Variants in CBX1 observed in about 807,000 individuals in gnomAD.
The protein encoded by CBX1 is chromobox 1.
CBX1 carries 10 observed loss-of-function variants against 25.1 expected under a neutral mutation model. That is an observed-to-expected ratio of 0.40 (90% CI 0.25 to 0.68). The LOEUF (loss-of-function observed/expected upper bound fraction) is 0.68. Ranked by LOEUF, CBX1 falls within the 30% of genes least tolerant of loss-of-function variation. The pLI is 0.40. For missense variants in CBX1, 106 were observed against 218.5 expected (o/e 0.49, Z 3.25); for synonymous variants, 63 against 79.4 (o/e 0.79, Z 1.10).
At chr17:48,079,231 G>A (rs2037709208) in intron 1 of CBX1, among the ~76,000 whole-genome samples, 1 of 152,146 alleles carries the variant, frequency 6.6e-6, no homozygotes, top group Non-Finnish European at 1.5e-5. Context: ...TCAGCCTCCT[G>A]AGTAGCTGGG....
chr17:48,075,197 C>CTTTT, intron 3 of CBX1, 97 bp from the exon 4 acceptor site: 4 of 637,472 alleles, frequency 6.3e-6, no homozygotes, highest in South Asian at 2.0e-5. Context: ...ATCACAAACT[C>CTTTT]TTTTTTTTTT....
intron 3 of CBX1, among the ~76,000 whole-genome samples, chr17:48,075,351 C>T (rs1011519320): frequency 1.5e-5 from 2 of 135,438 alleles, no homozygotes; most frequent in African/African-American, 3.1e-5. Flanking sequence ...CATGCCACCA[C>T]GTCAGCTAAT....
Position 48,101,266 on chromosome 17 carries a change from A to C in CBX1, c.-38+2T>G. ...CTCTCCCGCCTCCAGCGGGCTCCTC[A>C]CCTCAGAGCAGCGCCCAAGAGCCCG... On this transcript the variant is annotated splice_donor_variant, in intron 1 of 4. Coordinates refer to ENST00000225603, the MANE Select transcript of CBX1 (RefSeq NM_001127228.2). LOFTEE classifies it low-confidence loss of function (5UTR_SPLICE). 1.0e-6 allele frequency: 1 copy of C among 986,342 alleles called. No homozygotes were observed. Among genetic ancestry groups the C allele is most frequent in the Non-Finnish European group, 1.2e-6 (1 of 830,266 alleles). 61.1% of individuals were successfully genotyped at this position (986,342 alleles called of 1,614,324 possible).
chr17:48,071,860 A>G (rs1341977951), intron 4 of CBX1, among the ~76,000 whole-genome samples: 1 of 152,188 alleles, frequency 6.6e-6, no homozygotes, highest in Non-Finnish European at 1.5e-5. Flanking sequence ...AGGCCCCAAA[A>G]AGCATGACTC....
intron 1 of CBX1, among the ~76,000 whole-genome samples, chr17:48,100,310 T>C (rs943148407): frequency 6.6e-6 from 1 of 152,090 alleles, no homozygotes; most frequent in Admixed American, 6.6e-5. Context: ...AATCTCTCAC[T>C]ACCTCACGCC....
chr17:48,097,794 T>A (rs2063383627), intron 1 of CBX1, among the ~76,000 whole-genome samples: 1 of 152,170 alleles, frequency 6.6e-6, no homozygotes, highest in Admixed American at 6.6e-5. Context: ...ATTGACAAGA[T>A]CTAAATTTTG....
chr17:48,089,363 A>G (rs2063330715), intron 1 of CBX1, among the ~76,000 whole-genome samples: 1 of 150,770 alleles, frequency 6.6e-6, no homozygotes, highest in Admixed American at 6.6e-5. Flanking sequence ...GGCCTCCAAC[A>G]GTGCTGGAAT....
intron 1 of CBX1, among the ~76,000 whole-genome samples, chr17:48,082,726 C>T (rs929231712): frequency 1.3e-5 from 2 of 149,436 alleles, no homozygotes; most frequent in African/African-American, 2.6e-5. Context: ...TTAGTAAAGA[C>T]GTGGTTTCAC....
At chr17:48,085,944 C>G (rs2063309181) in intron 1 of CBX1, among the ~76,000 whole-genome samples, 1 of 152,116 alleles carries the variant, frequency 6.6e-6, no homozygotes, top group South Asian at 2.1e-4. Flanking sequence ...GTGGCATGCA[C>G]CTGTAGTCCC....
rs60857566 is a variant in CBX1, at chr17:48,073,824, C to CAAAAAAAAAAAAAAAAAAAAAAA, written c.413+1181_413+1182insTTTTTTTTTTTTTTTTTTTTTTT. Among the ~76,000 whole-genome samples the CAAAAAAAAAAAAAAAAAAAAAAA allele has an allele frequency of 1.1e-3, 87 of 82,472 alleles. 2 individuals are homozygous for CAAAAAAAAAAAAAAAAAAAAAAA. Among genetic ancestry groups the CAAAAAAAAAAAAAAAAAAAAAAA allele is most frequent in the Non-Finnish European group, 1.4e-3 (62 of 44,598 alleles). The allele number at this position is 82,472 out of a possible 152,430, so 54.1% of individuals were successfully genotyped here. A position where few individuals can be genotyped will look rare whatever the true frequency, so the allele number is the denominator to read the frequency against. ...CCTGGGCGAAAGAGTGAGACTGTCT[C>CAAAAAAAAAAAAAAAAAAAAAAA]AAAAAAAAAAAAAAAAAAAAAGACA... On this transcript the variant is annotated intron_variant, in intron 4 of 4. Transcript: ENST00000225603.
chr17:48,077,162 G>A, intron 1 of CBX1, 121 bp from the exon 2 acceptor site: 3 of 706,420 alleles, frequency 4.2e-6, no homozygotes, highest in Middle Eastern at 2.6e-4. Context: ...CTTATAGTAA[G>A]TGTTAGGCTT....
At chr17:48,082,501 CAAAAAAAA>C (rs572999255) in intron 1 of CBX1, among the ~76,000 whole-genome samples, 2 of 53,756 alleles carry the variant, frequency 3.7e-5, no homozygotes, top group Non-Finnish European at 6.3e-5. Context: ...GACTCCATCT[CAAAAAAAA>C]AAAAAAAAAA....
intron 3 of CBX1, 140 bp downstream of exon 3, chr17:48,075,861 C>G (rs897596088): frequency 2.3e-5 from 14 of 596,244 alleles, no homozygotes; most frequent in Non-Finnish European, 4.0e-5. Flanking sequence ...ACAGTACACT[C>G]TCACTTTGTA....
intron 4 of CBX1, among the ~76,000 whole-genome samples, chr17:48,072,919 C>A (rs1399033684): frequency 1.3e-5 from 2 of 152,082 alleles, no homozygotes; most frequent in East Asian, 1.9e-4. Context: ...CCCAGGAGTT[C>A]AAGACCAGCC....
chr17:48,090,025 A>G (rs1848020088), intron 1 of CBX1, among the ~76,000 whole-genome samples: 1 of 150,978 alleles, frequency 6.6e-6, no homozygotes, highest in African/African-American at 2.4e-5. Flanking sequence ...GGTTCAAGCA[A>G]TTCTCCTGCC....
chr17:48,073,824 C>CAAAATAAAAAAAA (rs2037649112), intron 4 of CBX1, among the ~76,000 whole-genome samples: 1 of 82,500 alleles, frequency 1.2e-5, no homozygotes, highest in Non-Finnish European at 2.2e-5. Context: ...GAGACTGTCT[C>CAAAATAAAAAAAA]AAAAAAAAAA....
At chr17:48,096,989 G>C (rs533223924) in intron 1 of CBX1, among the ~76,000 whole-genome samples, 7 of 151,998 alleles carry the variant, frequency 4.6e-5, no homozygotes, top group African/African-American at 1.7e-4. Flanking sequence ...GGTGGCTCAC[G>C]CCTGTAATCT....
Position 48,071,281 on chromosome 17 carries a change from A to T in CBX1, c.*154T>A. The T allele has an allele frequency of 1.5e-6, 1 of 688,086 alleles. No individual in the cohort carries two copies. Among genetic ancestry groups the T allele is most frequent in the Non-Finnish European group, 2.3e-6 (1 of 435,176 alleles). The allele number at this position is 688,086 out of a possible 1,614,324, so 42.6% of individuals were successfully genotyped here. A position where few individuals can be genotyped will look rare whatever the true frequency, so the allele number is the denominator to read the frequency against. On this transcript the variant is annotated 3_prime_UTR_variant, in exon 5 of 5. Coordinates refer to ENST00000225603, the MANE Select transcript of CBX1 (RefSeq NM_001127228.2). ...AAACTATACAGCTTGAAACGGCTTT[A>T]AAGCACTTGGGCTGCTGCAGGGCAC...
chr17:48,074,793 T>C, intron 4 of CBX1: 1 of 503,120 alleles, frequency 2.0e-6, no homozygotes, highest in Middle Eastern at 5.3e-4. Flanking sequence ...CTCCTAAAAA[T>C]ATGGGCAAAG....
Sources: allele counts gnomAD v4.1 joint callset (sites outside exome capture counted in the v4.1 genomes callset), GRCh38; gene constraint gnomAD v4.1.1; transcripts MANE v1.5; gene names NCBI Gene and HGNC (gene_info 2026-07-23, HGNC 2026-07-21).